The following KCNQ5 variants were observed in gnomAD, a reference collection of about 807,000 sequenced individuals.
KCNQ5 encodes the protein potassium voltage-gated channel subfamily Q member 5.
KCNQ5 carries 30 observed loss-of-function variants against 98.2 expected under a neutral mutation model. The ratio of observed to expected loss-of-function variants is 0.31; its 90% CI spans 0.23 to 0.41. The LOEUF is 0.41. KCNQ5 is among the 10% of genes least tolerant of loss of function. The pLI is 1.00. For synonymous variants in KCNQ5, 458 were observed against 449.4 expected, an observed-to-expected ratio of 1.02 and a Z score of -0.24; for missense variants, 835 against 1,182.5, an observed-to-expected ratio of 0.71 and a Z score of 4.31.
chr6:72,795,250 T>C (rs1043209309), intron 1 of KCNQ5, among the ~76,000 whole-genome samples: 4 of 152,158 alleles, frequency 2.6e-5, no homozygotes, highest in Non-Finnish European at 4.4e-5. Flanking sequence ...ATTATGCTGA[T>C]TGCCAGGCCA....
intron 7 of KCNQ5, 130 bp downstream of exon 7, chr6:73,111,533 A>G: frequency 1.5e-6 from 1 of 676,478 alleles, no homozygotes; most frequent in South Asian, 2.0e-5. Context: ...TGAAGTCAGA[A>G]CTTAATGTAC....
Position 73,080,873 on chromosome 6 carries a change from C to A in KCNQ5, c.918+2986C>A, listed in dbSNP as rs113024111. On this transcript the variant is annotated intron_variant, in intron 5 of 13. Transcript: ENST00000370398. ...CTTCCATTAAGATAGTGAGATCTGT[C>A]CCCTAGATCAACATTTGGAGGGATA... 3.1e-3 allele frequency among the ~76,000 whole-genome samples: 477 copies of A among 152,260 alleles called. 4 individuals are homozygous for A. The highest frequency in any genetic ancestry group is 6.1e-3 in the Admixed American group (94 of 15,290).
chr6:72,695,238 T>G (rs1241910750), intron 1 of KCNQ5, among the ~76,000 whole-genome samples: 4 of 152,232 alleles, frequency 2.6e-5, no homozygotes, highest in Non-Finnish European at 4.4e-5. Context: ...AAATGACCGT[T>G]GTTGTAAAAC....
chr6:73,026,467 C>CAAAA (rs1312484731), intron 2 of KCNQ5, among the ~76,000 whole-genome samples: 1 of 152,166 alleles, frequency 6.6e-6, no homozygotes, highest in Non-Finnish European at 1.5e-5. Context: ...GAGTTTGCTC[C>CAAAA]AAAAGGCCTA....
Position 73,195,367 on chromosome 6 carries a change from G to A in KCNQ5, c.2752G>A (p.Gly918Arg), listed in dbSNP as rs766047921. 6.2e-7 allele frequency: 1 copy of A among 1,614,114 alleles called. No individual in the cohort carries two copies. The highest frequency in any genetic ancestry group is 8.5e-7 in the Non-Finnish European group (1 of 1,179,998). Residue 918 changes from glycine (G) to arginine (R), a missense_variant, in exon 14 of 14, where the codon GGA becomes AGA. This residue lies in a region of KCNQ5 where 416 missense variants were observed against 446.9 expected (regional missense o/e 0.93). Coordinates refer to ENST00000370398, the MANE Select transcript of KCNQ5 (RefSeq NM_019842.4). ...SRSSQSICKAGESTDALSLPH... is the reference protein window; with the variant it reads ...SRSSQSICKARESTDALSLPH... ...ATCATCTCAGAGCATTTGTAAGGCA[G>A]GAGAAAGTACAGATGCCCTCAGCTT...
chr6:72,881,191 G>A (rs953401694), intron 1 of KCNQ5, among the ~76,000 whole-genome samples: 1 of 152,154 alleles, frequency 6.6e-6, no homozygotes, highest in African/African-American at 2.4e-5. Flanking sequence ...AAGAAAATCA[G>A]TCCTAGCAAA....
intron 1 of KCNQ5, among the ~76,000 whole-genome samples, chr6:72,980,663 A>G (rs975151680): frequency 6.6e-6 from 1 of 152,120 alleles, no homozygotes; most frequent in African/African-American, 2.4e-5. Flanking sequence ...AATACCTTTT[A>G]TTGCTTTCTC....
chr6:72,710,518 TAAAAA>T (rs1228315223), intron 1 of KCNQ5, among the ~76,000 whole-genome samples: 1 of 152,036 alleles, frequency 6.6e-6, no homozygotes, highest in East Asian at 1.9e-4. Context: ...CCAATGGAAA[TAAAAA>T]GAGAAGAGGG....
chr6:72,999,749 A>G (rs1760612379), intron 1 of KCNQ5, among the ~76,000 whole-genome samples: 1 of 152,232 alleles, frequency 6.6e-6, no homozygotes, highest in African/African-American at 2.4e-5. Flanking sequence ...GGCAATGCAT[A>G]TGCTTCTTTA....
intron 2 of KCNQ5, among the ~76,000 whole-genome samples, chr6:73,036,986 G>T (rs542735795): frequency 8.6e-5 from 13 of 152,014 alleles, no homozygotes; most frequent in African/African-American, 2.9e-4. Context: ...CAGCTTCTCC[G>T]CATCCTCCCC....
rs1176580825 is a variant in KCNQ5, at chr6:72,856,467, T to TACAC, written c.399-147440_399-147439insCACA. 1.8e-3 allele frequency among the ~76,000 whole-genome samples: 103 copies of TACAC among 58,308 alleles called. No homozygotes were observed. In the East Asian group the frequency reaches 0.033, roughly 19 times the overall value. 38.3% of individuals were successfully genotyped at this position (58,308 alleles called of 152,430 possible). A position where few individuals can be genotyped will look rare whatever the true frequency, so the allele number is the denominator to read the frequency against. On this transcript the variant is annotated intron_variant, in intron 1 of 13. Coordinates refer to ENST00000370398, the MANE Select transcript of KCNQ5 (RefSeq NM_019842.4). ...ACATACACACACACACACACACACA[T>TACAC]ATATACACACACACACACACACACA... is the stretch of plus-strand genomic sequence containing the variant.
At chr6:72,785,660 A>C (rs1301291624) in intron 1 of KCNQ5, among the ~76,000 whole-genome samples, 1 of 152,138 alleles carries the variant, frequency 6.6e-6, no homozygotes, top group East Asian at 1.9e-4. Flanking sequence ...CAAAAAAAAA[A>C]AACAAAAACA....
At chr6:72,644,966 A>T (rs1765512521) in intron 1 of KCNQ5, among the ~76,000 whole-genome samples, 2 of 152,154 alleles carry the variant, frequency 1.3e-5, no homozygotes, top group South Asian at 2.1e-4. Context: ...AATGCTAAGT[A>T]TGACACTTAG....
intron 10 of KCNQ5, among the ~76,000 whole-genome samples, chr6:73,168,871 G>C (rs1188963541): frequency 1.3e-5 from 2 of 152,158 alleles, no homozygotes; most frequent in Non-Finnish European, 2.9e-5. Context: ...CAGATATGCA[G>C]AGAGTTTTTT....
chr6:72,714,127 G>T (rs1043761489), intron 1 of KCNQ5, among the ~76,000 whole-genome samples: 2 of 152,178 alleles, frequency 1.3e-5, no homozygotes, highest in South Asian at 4.1e-4. Context: ...CTGCTGTGGA[G>T]CAGATTCTGA....
intron 1 of KCNQ5, among the ~76,000 whole-genome samples, chr6:72,845,422 C>G (rs548913481): frequency 2.2e-4 from 34 of 152,180 alleles, no homozygotes; most frequent in Non-Finnish European, 4.4e-4. Flanking sequence ...AGCTATTTAA[C>G]CTCCATAGAT....
At chr6:73,092,244 G>A (rs1774286845) in intron 5 of KCNQ5, among the ~76,000 whole-genome samples, 1 of 152,060 alleles carries the variant, frequency 6.6e-6, no homozygotes, top group Non-Finnish European at 1.5e-5. Flanking sequence ...CAGAAAGTTT[G>A]CTGAATTCTT....
chr6:72,726,208 A>G (rs1012985461), intron 1 of KCNQ5, among the ~76,000 whole-genome samples: 1 of 141,994 alleles, frequency 7.0e-6, no homozygotes, highest in African/African-American at 2.5e-5. Flanking sequence ...TTAAATTTAA[A>G]TTTTTTTTTT....
At chr6:72,722,320 A>G (rs1437082515) in intron 1 of KCNQ5, among the ~76,000 whole-genome samples, 2 of 152,190 alleles carry the variant, frequency 1.3e-5, no homozygotes, top group African/African-American at 4.8e-5. Flanking sequence ...TCTCTTGCCT[A>G]AAAGCCGTCC....
Sources: allele counts gnomAD v4.1 joint callset (sites outside exome capture counted in the v4.1 genomes callset), GRCh38; gene constraint gnomAD v4.1.1; regional missense constraint gnomAD v4.1.1; transcripts MANE v1.5; gene names NCBI Gene and HGNC (gene_info 2026-07-23, HGNC 2026-07-21).